The following TBCD variants were observed in gnomAD, a reference collection of about 807,000 sequenced individuals.
TBCD encodes the protein tubulin-specific chaperone D.
TBCD carries 105 observed loss-of-function variants against 169.3 expected under a neutral mutation model. The ratio of observed to expected loss-of-function variants is 0.62; its 90% CI spans 0.53 to 0.73. The LOEUF (loss-of-function observed/expected upper bound fraction) is 0.73. TBCD is among the 30% of genes least tolerant of loss of function. The pLI is 0.00. For synonymous variants in TBCD, 700 were observed against 643.9 expected (o/e 1.09, Z -1.32); for missense variants, 1,444 against 1,600.1 (o/e 0.90, Z 1.66).
intron 13 of TBCD, among the ~76,000 whole-genome samples, chr17:82,823,245 C>G (rs1395503436): frequency 1.3e-5 from 2 of 152,190 alleles, no homozygotes; most frequent in African/African-American, 4.8e-5. Flanking sequence ...CTGGCCTGAC[C>G]CTGCTGCCCC....
At chr17:82,927,112 ACAT>A in intron 28 of TBCD, 71 bp from the exon 29 acceptor site, 2 of 1,590,596 alleles carry the variant, frequency 1.3e-6, no homozygotes, top group Non-Finnish European at 1.7e-6. Context: ...TCAGGAACAC[ACAT>A]CAGCCCTCTG....
intron 18 of TBCD, among the ~76,000 whole-genome samples, chr17:82,901,523 G>A (rs1017113297): frequency 7.3e-5 from 11 of 151,166 alleles, no homozygotes; most frequent in Non-Finnish European, 7.4e-5. Flanking sequence ...GCTGCCTACT[G>A]TGGTCCTGCT....
rs2060036731 is a variant in TBCD at position 82,903,658 on chromosome 17, T to C, written c.1804+180T>C. On this transcript the variant is annotated intron_variant, in intron 19 of 38. Transcript: ENST00000355528. The surrounding 1 kb of genome is among the most constrained non-coding windows in gnomAD (Gnocchi z 4.8). ...AGGCTGTGAGGACGGATGCGGTGAG[T>C]GTGTCCGCCTGCAGGGCAGGGAGCC... 6.6e-6 allele frequency among the ~76,000 whole-genome samples: 1 copy of C among 152,148 alleles called. No homozygotes were observed. Among genetic ancestry groups the C allele is most frequent in the African/African-American group, 2.4e-5 (1 of 41,428 alleles).
Position 82,814,939 on chromosome 17 carries a change from G to A in TBCD, c.1318+5G>A. 1 of 1,611,478 alleles carries A rather than the reference G, an allele frequency of 6.2e-7. No homozygotes were observed. The highest frequency in any genetic ancestry group is 8.5e-7 in the Non-Finnish European group (1 of 1,179,308). On this transcript the variant is annotated splice_donor_5th_base_variant and intron_variant, in intron 13 of 38. Transcript: ENST00000355528. ...TGCCGTCTCGACTCGTGGATGGTGA[G>A]TAGCTGAGGCACGGTCAGGGGGGAT...
At chr17:82,766,103 T>G (rs1238556113) in intron 3 of TBCD, among the ~76,000 whole-genome samples, 164 bp from the exon 4 acceptor site, 1 of 152,232 alleles carries the variant, frequency 6.6e-6, no homozygotes, top group Non-Finnish European at 1.5e-5. Context: ...GGTAGCTTTC[T>G]TGGGGTGACT....
intron 9 of TBCD, among the ~76,000 whole-genome samples, chr17:82,805,042 G>T (rs1421766885): frequency 6.6e-6 from 1 of 152,258 alleles, no homozygotes; most frequent in Non-Finnish European, 1.5e-5. Context: ...CACCTTTTCT[G>T]CATGAGACCG....
chr17:82,801,844 T>G lies in TBCD; in HGVS notation c.950+848T>G, dbSNP rs1348327699. Among the ~76,000 whole-genome samples the G allele has an allele frequency of 7.4e-5, 10 of 135,642 alleles. No homozygotes were observed. The Admixed American group carries it at 7.6e-4, about 10-fold the overall frequency. 89.0% of individuals were successfully genotyped at this position (135,642 alleles called of 152,430 possible). ...GAGGGCGGCGTGTGCGTCGTGTGGT[T>G]CGGAGTCAGCGTGGCAGGAGGGCGT... On this transcript the variant is annotated intron_variant, in intron 9 of 38. Transcript: ENST00000355528.
intron 21 of TBCD, among the ~76,000 whole-genome samples, chr17:82,908,914 C>G (rs996939162): frequency 1.2e-4 from 18 of 152,218 alleles, no homozygotes; most frequent in African/African-American, 4.1e-4. Flanking sequence ...CTTTTAAGCT[C>G]TCTTACAAAA....
In TBCD at chr17:82,807,677, CTG is replaced by C; in HGVS notation, c.1148+12_1148+13del. ...TGGTCTGCAGCCAAGGGGTAGGTGT[CTG>C]TGGCCGCAGAAGCACCCCGGGGGGT... On this transcript the variant is annotated intron_variant, in intron 11 of 38. Transcript: ENST00000355528. 1 of 1,485,818 alleles carries C rather than the reference CTG, an allele frequency of 6.7e-7. No homozygotes were observed. The highest frequency in any genetic ancestry group is 1.4e-5 in the South Asian group (1 of 73,192). The allele number at this position is 1,485,818 out of a possible 1,614,324, so 92.0% of individuals were successfully genotyped here.
At chr17:82,768,790 C>G (rs1342171430) in intron 5 of TBCD, among the ~76,000 whole-genome samples, 4 of 152,096 alleles carry the variant, frequency 2.6e-5, no homozygotes, top group Admixed American at 1.3e-4. Flanking sequence ...TGCAAATACT[C>G]TGTTGAGGGT....
At chr17:82,906,186 A>G (rs2060237768) in intron 20 of TBCD, 133 bp downstream of exon 20, 2 of 699,626 alleles carry the variant, frequency 2.9e-6, no homozygotes, top group Middle Eastern at 2.7e-4. Context: ...GTCACAGTCG[A>G]TAGGCCCCAG....
At chr17:82,775,075 C>A (rs2048504305) in intron 6 of TBCD, among the ~76,000 whole-genome samples, 1 of 152,236 alleles carries the variant, frequency 6.6e-6, no homozygotes, top group Admixed American at 6.5e-5. Flanking sequence ...GAGTACTTCT[C>A]CCTCCGTGGG....
At position 82,900,834 on chromosome 17, in the gene TBCD, G is replaced by A. The variant is rs551458780; in HGVS notation, c.1730+103G>A. The stretch of plus-strand genomic sequence containing the variant: ...AGTGTATTTTCTCACTGTGGATGTC[G>A]TATTTTAAAATAACTTCTGAGAAGT... On this transcript the variant is annotated intron_variant, in intron 18 of 38. Coordinates refer to ENST00000355528, the MANE Select transcript of TBCD (RefSeq NM_005993.5). 15 of 850,580 alleles carry A rather than the reference G, an allele frequency of 1.8e-5. 1 individual carries two copies. Among genetic ancestry groups the A allele is most frequent in the African/African-American group, 1.0e-4 (6 of 58,714 alleles). 52.7% of individuals were successfully genotyped at this position (850,580 alleles called of 1,614,324 possible). A position where few individuals can be genotyped will look rare whatever the true frequency, so the allele number is the denominator to read the frequency against.
Position 82,937,344 on chromosome 17 carries a change from C to T in TBCD, c.3265C>T (p.Leu1089=). 1 of 1,614,046 alleles carries T rather than the reference C, an allele frequency of 6.2e-7. No homozygotes were observed. The highest frequency in any genetic ancestry group is 8.5e-7 in the Non-Finnish European group (1 of 1,179,898). Residue 1089 remains leucine (L), a synonymous_variant, in exon 35 of 39, where the codon CTG becomes TTG. Transcript: ENST00000355528. The part of the protein sequence containing the change: ...IKNSKDIQKL[L]SGIAVFCEMV... ...GAATTCAAAAGATATCCAGAAGCTC[C>T]TGTCAGGCATCGCAGTGTGAGTTTC...
intron 6 of TBCD, among the ~76,000 whole-genome samples, chr17:82,777,375 A>G (rs945823310): frequency 6.6e-6 from 1 of 152,188 alleles, no homozygotes. Flanking sequence ...GACACAAGAC[A>G]AAGAGATAAA....
At chr17:82,909,994 A>G (rs189904250) in intron 22 of TBCD, among the ~76,000 whole-genome samples, 21 of 152,228 alleles carry the variant, frequency 1.4e-4, no homozygotes, top group Non-Finnish European at 2.4e-4. Context: ...CGTGTCTTTG[A>G]GATACCTGTG....
intron 6 of TBCD, among the ~76,000 whole-genome samples, chr17:82,779,323 G>T (rs1023769464): frequency 9.2e-5 from 14 of 152,076 alleles, no homozygotes; most frequent in South Asian, 4.1e-4. Flanking sequence ...GTCTTACCAT[G>T]TTTACCAGGC....
chr17:82,804,127 G>C (rs1398688671), intron 9 of TBCD, among the ~76,000 whole-genome samples: 1 of 150,742 alleles, frequency 6.6e-6, no homozygotes, highest in Non-Finnish European at 1.5e-5. Context: ...AGGGGAGAGT[G>C]GGGGCTGGGG....
chr17:82,852,144 G>A (rs1220035987), intron 13 of TBCD, among the ~76,000 whole-genome samples: 3 of 106,522 alleles, frequency 2.8e-5, no homozygotes, highest in Admixed American at 1.1e-4. Context: ...CAACCCCCCC[G>A]ACAGATGGAT....
Sources: allele counts gnomAD v4.1 joint callset (sites outside exome capture counted in the v4.1 genomes callset), GRCh38; gene constraint gnomAD v4.1.1; non-coding constraint Gnocchi (gnomAD v3.1); transcripts MANE v1.5; gene names NCBI Gene and HGNC (gene_info 2026-07-23, HGNC 2026-07-21).